Variants in INO80C observed in about 807,000 individuals in gnomAD.
INO80C encodes the protein INO80 complex subunit C, also known as IES6 homolog.
A neutral mutation model predicts 17.7 loss-of-function variants in INO80C; 17 were observed. That is an observed-to-expected ratio of 0.96 (90% CI 0.66 to 1.44). INO80C has a LOEUF of 1.44. Among genes scored for constraint, INO80C ranks in the 40% most tolerant of loss-of-function variants. INO80C has a pLI of 0.00. For missense variants in INO80C, 244 were observed against 245.0 expected (o/e 1.00, Z 0.03); for synonymous variants, 96 against 95.8 (o/e 1.00, Z -0.01).
At chr18:35,489,430 G>C (rs1426300010) in intron 1 of INO80C, 3 of 187,058 alleles carry the variant, frequency 1.6e-5, no homozygotes, top group African/African-American at 2.4e-5. Flanking sequence ...CCAAGTGAAA[G>C]GGGTTTCCCA....
In INO80C at chr18:35,468,514, A is replaced by C; in HGVS notation, c.*97T>G. The C allele has an allele frequency of 6.3e-7, 1 of 1,580,424 alleles. No homozygotes were observed. Among genetic ancestry groups the C allele is most frequent in the Non-Finnish European group, 8.6e-7 (1 of 1,162,232 alleles). ...TCCAAGGCACAGCACTGGCATTTTC[A>C]GATTGACAGCAGAACGAGTTTGTTT... On this transcript the variant is annotated 3_prime_UTR_variant, in exon 5 of 5. Transcript: ENST00000334598.
At position 35,471,455 on chromosome 18, in the gene INO80C, A is replaced by G. The variant is rs144821924; in HGVS notation, c.448-2713T>C. The stretch of plus-strand genomic sequence containing the variant: ...TCTTTCAATCAACATTACATCCTGG[A>G]AATTTAGCCATGTTGTTACTATGCA... On this transcript the variant is annotated intron_variant, in intron 4 of 4. Coordinates refer to ENST00000334598, the MANE Select transcript of INO80C (RefSeq NM_194281.4). 7.7e-4 allele frequency among the ~76,000 whole-genome samples: 118 copies of G among 152,338 alleles called. No individual in the cohort carries two copies. In the Middle Eastern group the frequency reaches 0.02, roughly 26 times the overall value.
At chr18:35,481,858 T>G (rs879856097) in intron 1 of INO80C, among the ~76,000 whole-genome samples, 8 of 152,204 alleles carry the variant, frequency 5.3e-5, no homozygotes, top group Non-Finnish European at 7.3e-5. Flanking sequence ...CACTCCAGCC[T>G]GGGCAACAGC....
At chr18:35,480,665 A>G in intron 1 of INO80C, 102 bp from the exon 2 acceptor site, 1 of 886,430 alleles carries the variant, frequency 1.1e-6, no homozygotes, top group African/African-American at 1.6e-5. Flanking sequence ...AGGGCATGCA[A>G]GGGAAGACAG....
intron 4 of INO80C, among the ~76,000 whole-genome samples, chr18:35,470,544 T>C (rs768522253): frequency 2.6e-5 from 4 of 152,264 alleles, no homozygotes; most frequent in Admixed American, 2.0e-4. Flanking sequence ...AGTGTAGGCA[T>C]GTGTGTCTGG....
chr18:35,468,804 C>A (rs2045635557), intron 4 of INO80C, 62 bp from the exon 5 acceptor site: 1 of 1,505,108 alleles, frequency 6.6e-7, no homozygotes, highest in South Asian at 1.2e-5. Flanking sequence ...ATTTTAAGTT[C>A]AAGTTTAAAA....
intron 1 of INO80C, among the ~76,000 whole-genome samples, chr18:35,484,585 C>T (rs1444743444): frequency 5.3e-5 from 8 of 152,190 alleles, no homozygotes; most frequent in African/African-American, 1.4e-4. Flanking sequence ...CTAAACTGTA[C>T]AATATAACAA....
intron 4 of INO80C, among the ~76,000 whole-genome samples, chr18:35,471,753 C>T (rs549495577): frequency 1.2e-4 from 18 of 149,712 alleles, no homozygotes; most frequent in South Asian, 4.4e-4. Context: ...ATCCCTCCCC[C>T]CTCCCTGCAC....
chr18:35,484,984 G>A (rs2045855615), intron 1 of INO80C, among the ~76,000 whole-genome samples: 1 of 152,172 alleles, frequency 6.6e-6, no homozygotes, highest in African/African-American at 2.4e-5. Context: ...CTGGAGGCTA[G>A]AAGTCCAAGA....
chr18:35,473,123 T>G (rs911378002), intron 4 of INO80C, among the ~76,000 whole-genome samples: 1 of 152,166 alleles, frequency 6.6e-6, no homozygotes, highest in African/African-American at 2.4e-5. Context: ...AAGCTGACAT[T>G]CTGAGGAACC....
intron 1 of INO80C, among the ~76,000 whole-genome samples, chr18:35,489,548 A>G (rs1193441297): frequency 6.6e-6 from 1 of 152,168 alleles, no homozygotes; most frequent in Non-Finnish European, 1.5e-5. Context: ...CCCACAACAC[A>G]TGGGAATTAT....
At position 35,468,580 on chromosome 18, in the gene INO80C, C is replaced by G; in HGVS notation, c.*31G>C. 1 of 1,613,390 alleles carries G rather than the reference C, an allele frequency of 6.2e-7. No individual in the cohort carries two copies. The highest frequency in any genetic ancestry group is 8.5e-7 in the Non-Finnish European group (1 of 1,179,708). Reference sequence around the variant, plus strand: ...ATGAGTCCAGAGTCTGTTTTTGAAACAGCTTTCCACTTCATCTCCCTTTCT... The same window carrying G: ...ATGAGTCCAGAGTCTGTTTTTGAAAGAGCTTTCCACTTCATCTCCCTTTCT... On this transcript the variant is annotated 3_prime_UTR_variant, in exon 5 of 5. Transcript: ENST00000334598.
chr18:35,494,530 T>C (rs1304542371), intron 1 of INO80C, among the ~76,000 whole-genome samples: 2 of 152,020 alleles, frequency 1.3e-5, no homozygotes, highest in East Asian at 3.9e-4. Context: ...GCTCTGAAAA[T>C]GGAAAACGCC....
intron 1 of INO80C, among the ~76,000 whole-genome samples, chr18:35,480,903 G>C (rs1412466585): frequency 1.3e-5 from 2 of 152,340 alleles, no homozygotes; most frequent in South Asian, 4.1e-4. Context: ...ATACAGAAAA[G>C]AAAACTGAGG....
At chr18:35,496,632 C>T (rs965669848) in intron 1 of INO80C, 1 of 152,206 alleles carries the variant, frequency 6.6e-6, no homozygotes, top group Non-Finnish European at 1.5e-5. Context: ...GATCATAGCT[C>T]GCTGTAACCT....
chr18:35,494,891 T>C (rs2045966011), intron 1 of INO80C, among the ~76,000 whole-genome samples: 1 of 152,222 alleles, frequency 6.6e-6, no homozygotes, highest in South Asian at 2.1e-4. Context: ...TTTTTGGTAG[T>C]GTGGGGACAA....
At position 35,482,680 on chromosome 18, in the gene INO80C, G is replaced by A. The variant is rs757380514; in HGVS notation, c.157-2117C>T. Among the ~76,000 whole-genome samples, 4 of 152,100 alleles carry A rather than the reference G, an allele frequency of 2.6e-5. No homozygotes were observed. In the South Asian group the frequency reaches 8.3e-4, roughly 32 times the overall value. ...AGTGCAAATGTCAACTTTAAGAACT[G>A]AGAGGCTGCCCATTCCTCATCCTTT... On this transcript the variant is annotated intron_variant, in intron 1 of 4. Coordinates refer to ENST00000334598, the MANE Select transcript of INO80C (RefSeq NM_194281.4).
At chr18:35,486,303 T>C (rs2045873360) in intron 1 of INO80C, among the ~76,000 whole-genome samples, 1 of 152,226 alleles carries the variant, frequency 6.6e-6, no homozygotes, top group African/African-American at 2.4e-5. Context: ...ATGAGATACG[T>C]AGTCACATTC....
At chr18:35,482,725 A>G (rs1192527022) in intron 1 of INO80C, among the ~76,000 whole-genome samples, 2 of 152,138 alleles carry the variant, frequency 1.3e-5, no homozygotes, top group African/African-American at 4.8e-5. Flanking sequence ...CTGTACCCAC[A>G]GTGATCTATC....
Sources: allele counts gnomAD v4.1 joint callset (sites outside exome capture counted in the v4.1 genomes callset), GRCh38; gene constraint gnomAD v4.1.1; transcripts MANE v1.5; gene names NCBI Gene and HGNC (gene_info 2026-07-23, HGNC 2026-07-21).